The following SEMA6D variants were observed in gnomAD, a reference collection of about 807,000 sequenced individuals.
SEMA6D encodes the protein semaphorin-6D.
In SEMA6D, 35 loss-of-function variants were observed where a neutral mutation model predicts 106.6. The ratio of observed to expected loss-of-function variants is 0.33; its 90% CI spans 0.25 to 0.44. The LOEUF is 0.44. Ranked by LOEUF, SEMA6D falls within the 20% of genes least tolerant of loss-of-function variation. The pLI is 1.00. For missense variants in SEMA6D, 1,185 were observed against 1,345.9 expected (o/e 0.88, Z 1.87); for synonymous variants, 499 against 487.7 (o/e 1.02, Z -0.31).
At chr15:47,354,118 TGA>T (rs898605740) in intron 1 of SEMA6D, among the ~76,000 whole-genome samples, 2 of 149,112 alleles carry the variant, frequency 1.3e-5, no homozygotes, top group African/African-American at 5.0e-5. Flanking sequence ...ATATATGGAA[TGA>T]GAGAGTGTGT....
intron 4 of SEMA6D, among the ~76,000 whole-genome samples, chr15:47,626,867 G>A (rs2077211066): frequency 6.6e-6 from 1 of 152,134 alleles, no homozygotes; most frequent in Non-Finnish European, 1.5e-5. Flanking sequence ...AATGCATGCA[G>A]TTTTGTGTGT....
At chr15:47,577,426 A>G (rs577641735) in intron 3 of SEMA6D, among the ~76,000 whole-genome samples, 2 of 152,386 alleles carry the variant, frequency 1.3e-5, no homozygotes, top group Admixed American at 6.5e-5. Flanking sequence ...GAAAAGGCAC[A>G]TGGCTGCATG....
At chr15:47,206,902 G>C (rs1036237422) in intron 1 of SEMA6D, among the ~76,000 whole-genome samples, 6 of 151,902 alleles carry the variant, frequency 3.9e-5, no homozygotes, top group African/African-American at 1.5e-4. Flanking sequence ...TAGTGTTCCT[G>C]GTTTGCTTCA....
chr15:47,414,027 ACTTTT>A (rs5812394), intron 2 of SEMA6D, among the ~76,000 whole-genome samples: 94,840 of 151,314 alleles, frequency 0.63, 30,114 homozygotes, highest in Middle Eastern at 0.69. Context: ...TATTGCAGTA[ACTTTT>A]AGTTTAATAG....
chr15:47,446,458 A>G (rs1253420182), intron 2 of SEMA6D, among the ~76,000 whole-genome samples: 1 of 152,110 alleles, frequency 6.6e-6, no homozygotes, highest in Non-Finnish European at 1.5e-5. Flanking sequence ...TATGCATACA[A>G]TCCAGTTCTT....
chr15:47,276,507 C>G (rs1418348732), intron 1 of SEMA6D, among the ~76,000 whole-genome samples: 1 of 152,146 alleles, frequency 6.6e-6, no homozygotes, highest in African/African-American at 2.4e-5. Context: ...TATGCTAACT[C>G]TGCTCTGTTT....
chr15:47,745,677 T>C (rs1178182804), intron 1 of SEMA6D, among the ~76,000 whole-genome samples: 1 of 152,208 alleles, frequency 6.6e-6, no homozygotes, highest in Non-Finnish European at 1.5e-5. Context: ...CTGCAGGTAA[T>C]GCACAGGTGC....
Position 47,772,403 on chromosome 15 carries a change from T to G in SEMA6D, c.*618T>G, listed in dbSNP as rs1204245759. On this transcript the variant is annotated 3_prime_UTR_variant, in exon 19 of 19. Transcript: ENST00000536845. The stretch of plus-strand genomic sequence containing the variant: ...GTGTGTGTGTGTGTTCTGTACCCAC[T>G]AGGATTTGTTTAGGTGCCCATTGCA... 1.5e-5 allele frequency: 2 copies of G among 130,798 alleles called. No individual in the cohort carries two copies. The highest frequency in any genetic ancestry group is 5.8e-5 in the African/African-American group (2 of 34,492). The allele number at this position is 130,798 out of a possible 1,614,324, so 8.1% of individuals were successfully genotyped here.
intron 4 of SEMA6D, among the ~76,000 whole-genome samples, chr15:47,688,609 C>G (rs2078520287): frequency 6.6e-6 from 1 of 152,044 alleles, no homozygotes. Flanking sequence ...ATTTTCCAAC[C>G]TTGAGACTCT....
intron 1 of SEMA6D, among the ~76,000 whole-genome samples, chr15:47,264,727 C>T (rs964184672): frequency 6.6e-6 from 1 of 151,980 alleles, no homozygotes; most frequent in Non-Finnish European, 1.5e-5. Flanking sequence ...AAATATGATG[C>T]TACCTGTGGG....
At chr15:47,477,712 T>C (rs187715676) in intron 3 of SEMA6D, among the ~76,000 whole-genome samples, 101 of 152,270 alleles carry the variant, frequency 6.6e-4, no homozygotes, top group Non-Finnish European at 1.2e-3. Context: ...GTGAGAAGTA[T>C]TTAACTAACC....
chr15:47,596,040 C>A (rs2076530307), intron 3 of SEMA6D, among the ~76,000 whole-genome samples: 1 of 151,904 alleles, frequency 6.6e-6, no homozygotes, highest in Non-Finnish European at 1.5e-5. Flanking sequence ...GTATAGAAAA[C>A]CCTAAACACC....
chr15:47,656,109 A>G (rs1244780525), intron 4 of SEMA6D, among the ~76,000 whole-genome samples: 1 of 152,262 alleles, frequency 6.6e-6, no homozygotes, highest in Non-Finnish European at 1.5e-5. Context: ...TGTGATGTGC[A>G]TTATGGAGAA....
At chr15:47,373,931 A>G (rs2039361316) in intron 1 of SEMA6D, among the ~76,000 whole-genome samples, 1 of 152,218 alleles carries the variant, frequency 6.6e-6, no homozygotes, top group African/African-American at 2.4e-5. Flanking sequence ...AGGCATGACC[A>G]TGAGCAGGGG....
chr15:47,720,229 T>TTCG (rs1383303643), intron 1 of SEMA6D, among the ~76,000 whole-genome samples: 2 of 97,772 alleles, frequency 2.0e-5, no homozygotes, highest in Non-Finnish European at 5.3e-5. Flanking sequence ...CCTGGCCTTA[T>TTCG]TCCTCGTAGG....
intron 4 of SEMA6D, among the ~76,000 whole-genome samples, chr15:47,614,736 A>G (rs984150316): frequency 3.9e-5 from 6 of 152,182 alleles, no homozygotes; most frequent in Admixed American, 1.3e-4. Context: ...AGGATCTACA[A>G]TCATTGAAAT....
chr15:47,487,397 C>T (rs918090014), intron 3 of SEMA6D, among the ~76,000 whole-genome samples: 1 of 152,146 alleles, frequency 6.6e-6, no homozygotes, highest in African/African-American at 2.4e-5. Flanking sequence ...AAGCCTTTGT[C>T]CACACATTTA....
intron 1 of SEMA6D, among the ~76,000 whole-genome samples, chr15:47,309,135 A>G (rs2036343551): frequency 6.6e-6 from 1 of 152,240 alleles, no homozygotes; most frequent in African/African-American, 2.4e-5. Context: ...AGTTGAAAAT[A>G]CATTTAATAC....
chr15:47,316,384 A>C (rs944276910), intron 1 of SEMA6D, among the ~76,000 whole-genome samples: 1 of 151,960 alleles, frequency 6.6e-6, no homozygotes, highest in South Asian at 2.1e-4. Context: ...GAGCCACTGC[A>C]ACTGGCCTCC....
Sources: gnomAD v4.1 joint callset for allele counts (sites outside exome capture counted in the v4.1 genomes callset) on GRCh38, gnomAD v4.1.1 for gene constraint, MANE v1.5 for transcripts, NCBI Gene and HGNC (gene_info 2026-07-23, HGNC 2026-07-21) for gene names.